ZNF536: variants seen among roughly 807,000 people sequenced by gnomAD.
The protein encoded by ZNF536 is zinc finger protein 536.
In ZNF536, 13 loss-of-function variants were observed where a neutral mutation model predicts 84.5. The ratio of observed to expected loss-of-function variants is 0.15; its 90% CI spans 0.10 to 0.24. The LOEUF (loss-of-function observed/expected upper bound fraction) is 0.24. Among genes scored for constraint, ZNF536 ranks in the 10% least tolerant of loss-of-function variants. The pLI is 1.00. For synonymous variants in ZNF536, 811 were observed against 742.5 expected (o/e 1.09, Z -1.50); for missense variants, 1,536 against 1,747.5 (o/e 0.88, Z 2.16).
chr19:30,368,154 C>T (rs1467010484), upstream of ZNF536, among the ~76,000 whole-genome samples: 1 of 152,192 alleles, frequency 6.6e-6, no homozygotes, highest in East Asian at 1.9e-4. Context: ...TACTCCCCCA[C>T]TCTCTGCAAG....
At chr19:30,477,620 G>T (rs1238822072) in intron 2 of ZNF536, among the ~76,000 whole-genome samples, 1 of 152,206 alleles carries the variant, frequency 6.6e-6, no homozygotes, top group East Asian at 1.9e-4. Flanking sequence ...TTTGTTTGGA[G>T]TGTTGTTGGG....
exon 2 of ZNF536, chr19:30,711,533 C>T (rs1209256057): frequency 2.0e-5 from 3 of 152,190 alleles, no homozygotes; most frequent in Non-Finnish European, 4.4e-5. Context: ...AAAATCAATT[C>T]ACGTGGTGTT....
chr19:30,356,405 G>A (rs1360645072), intron 3 of ZNF536, among the ~76,000 whole-genome samples: 2 of 152,230 alleles, frequency 1.3e-5, no homozygotes. Flanking sequence ...CAGCCCCTCC[G>A]TCCTGGTACA....
chr19:30,347,816 T>C (rs959384208), intron 2 of ZNF536, among the ~76,000 whole-genome samples: 6 of 152,188 alleles, frequency 3.9e-5, no homozygotes, highest in Admixed American at 2.0e-4. Flanking sequence ...TTTTGCAAAA[T>C]GCTCCTAGCT....
At chr19:30,436,463 G>GT (rs2051751476) in intron 1 of ZNF536, 1 of 917,236 alleles carries the variant, frequency 1.1e-6, no homozygotes, top group Admixed American at 9.8e-5. Context: ...AGTGTTGATT[G>GT]TAAGAGATCA....
chr19:30,632,321 T>C (rs929998330), intron 1 of ZNF536, among the ~76,000 whole-genome samples: 1 of 152,066 alleles, frequency 6.6e-6, no homozygotes, highest in Non-Finnish European at 1.5e-5. Flanking sequence ...AAACCAGAAG[T>C]CCAGCCAGGT....
chr19:30,605,203 AG>A (rs1165185984), intron 1 of ZNF536, among the ~76,000 whole-genome samples: 1 of 152,000 alleles, frequency 6.6e-6, no homozygotes, highest in Non-Finnish European at 1.5e-5. Context: ...AAATTTCCAT[AG>A]TTTTGGGGGG....
At chr19:30,573,659 C>A in intron 1 of ZNF536, among the ~76,000 whole-genome samples, 1 of 152,208 alleles carries the variant, frequency 6.6e-6, no homozygotes, top group East Asian at 1.9e-4. Flanking sequence ...TTGAACTACA[C>A]CCACCCGGTT....
chr19:30,481,149 G>T (rs545186099), intron 2 of ZNF536, among the ~76,000 whole-genome samples: 61 of 152,182 alleles, frequency 4.0e-4, no homozygotes, highest in African/African-American at 1.4e-3. Flanking sequence ...TTATGTCTGA[G>T]GTTCCCTAAG....
At chr19:30,344,766 C>T (rs2047687788) in intron 2 of ZNF536, among the ~76,000 whole-genome samples, 1 of 152,132 alleles carries the variant, frequency 6.6e-6, no homozygotes, top group South Asian at 2.1e-4. Context: ...CATTCATCCC[C>T]TCATTTCACA....
At chr19:30,577,448 T>A (rs1315820453) in intron 1 of ZNF536, among the ~76,000 whole-genome samples, 4 of 152,136 alleles carry the variant, frequency 2.6e-5, no homozygotes, top group African/African-American at 9.7e-5. Context: ...TAAATTAGAG[T>A]AGGTATTTCA....
chr19:30,683,458 A>T (rs529123171), intron 1 of ZNF536, among the ~76,000 whole-genome samples: 1 of 151,948 alleles, frequency 6.6e-6, no homozygotes, highest in Non-Finnish European at 1.5e-5. Flanking sequence ...ATGATTGCGG[A>T]TATGTTCTGT....
chr19:30,226,112 C>A (rs2022596424), upstream of ZNF536, among the ~76,000 whole-genome samples: 1 of 151,810 alleles, frequency 6.6e-6, no homozygotes, highest in South Asian at 2.1e-4. This position sits in a 1 kb window ranked among gnomAD's most constrained non-coding sequence, Gnocchi z 4.6. Flanking sequence ...GCGCCCGGCG[C>A]GCGATCGGGA....
chr19:30,251,599 A>G (rs1162086503), intron 1 of ZNF536, among the ~76,000 whole-genome samples: 6 of 152,140 alleles, frequency 3.9e-5, no homozygotes, highest in African/African-American at 9.7e-5. Flanking sequence ...TTTTACTTCC[A>G]TAAGTTTTTG....
At position 30,482,909 on chromosome 19, in the gene ZNF536, G is replaced by A. The variant is rs76551953; in HGVS notation, c.2170+37177G>A. Among the ~76,000 whole-genome samples the A allele has an allele frequency of 2.5e-3, 378 of 152,190 alleles. 4 individuals carry two copies. Among genetic ancestry groups the A allele is most frequent in the African/African-American group, 8.7e-3 (360 of 41,524 alleles). ...CTTCTAGTATCAGCATCTCCATAGCGCCCTCCTCTGGGTCCACCCCTTGCT... is the reference window on the plus strand; with the variant it reads ...CTTCTAGTATCAGCATCTCCATAGCACCCTCCTCTGGGTCCACCCCTTGCT... On this transcript the variant is annotated intron_variant, in intron 2 of 4. Coordinates refer to ENST00000355537, the MANE Select transcript of ZNF536 (RefSeq NM_014717.3).
rs1369505835 is a variant in ZNF536 at position 30,439,955 on chromosome 19, C to CTTTT, written c.-2-3603_-2-3602insTTTT. Among the ~76,000 whole-genome samples, 1,310 of 132,582 alleles carry CTTTT rather than the reference C, an allele frequency of 9.9e-3. 56 individuals are homozygous for CTTTT. The highest frequency in any genetic ancestry group is 0.098 in the East Asian group (381 of 3,898). 87.0% of individuals were successfully genotyped at this position (132,582 alleles called of 152,430 possible). ...TTCTTTCTTTCTTTTCTTTTTCTTT[C>CTTTT]TTTCTTTTTTTTTTTTTTTTTTTTT... On this transcript the variant is annotated intron_variant, in intron 1 of 4. Coordinates refer to ENST00000355537, the MANE Select transcript of ZNF536 (RefSeq NM_014717.3).
intron 1 of ZNF536, among the ~76,000 whole-genome samples, chr19:30,574,583 G>A (rs959382672): frequency 5.3e-5 from 8 of 152,228 alleles, no homozygotes; most frequent in African/African-American, 9.6e-5. Flanking sequence ...AGAGACAGGC[G>A]TTGCCTTAAG....
chr19:30,387,756 C>T (rs2049403855), intron 1 of ZNF536, among the ~76,000 whole-genome samples: 1 of 152,218 alleles, frequency 6.6e-6, no homozygotes, highest in African/African-American at 2.4e-5. Flanking sequence ...AGGCAGGGCC[C>T]TCTCCACTCC....
chr19:30,324,141 T>TCATC (rs767325547), intron 2 of ZNF536, among the ~76,000 whole-genome samples: 5 of 151,762 alleles, frequency 3.3e-5, no homozygotes, highest in East Asian at 1.9e-4. Flanking sequence ...TACCCATGCA[T>TCATC]CATCCATCCA....
Sources: allele counts gnomAD v4.1 joint callset (sites outside exome capture counted in the v4.1 genomes callset), GRCh38; gene constraint gnomAD v4.1.1; non-coding constraint Gnocchi (gnomAD v3.1); transcripts MANE v1.5; gene names NCBI Gene and HGNC (gene_info 2026-07-23, HGNC 2026-07-21).